COL22A1: variants seen among roughly 807,000 people sequenced by gnomAD.
COL22A1 encodes the protein collagen alpha-1(XXII) chain.
A neutral mutation model predicts 248.9 loss-of-function variants in COL22A1; 221 were observed. The ratio of observed to expected loss-of-function variants is 0.89; its 90% CI spans 0.80 to 0.99. The LOEUF is 0.99. Ranked by LOEUF, COL22A1 falls within the 50% of genes least tolerant of loss-of-function variation. COL22A1 has a pLI of 0.00. For synonymous variants in COL22A1, 891 were observed against 793.4 expected, an observed-to-expected ratio of 1.12 and a Z score of -2.07; for missense variants, 2,240 against 2,179.0, an observed-to-expected ratio of 1.03 and a Z score of -0.56.
At chr8:138,808,417 A>G (rs1222912503) in intron 9 of COL22A1, among the ~76,000 whole-genome samples, 1 of 152,220 alleles carries the variant, frequency 6.6e-6, no homozygotes, top group Admixed American at 6.5e-5. Context: ...TTTTACCTGA[A>G]TATATCATCA....
intron 12 of COL22A1, among the ~76,000 whole-genome samples, chr8:138,784,203 C>T (rs182718005): frequency 3.9e-5 from 6 of 152,218 alleles, no homozygotes; most frequent in Admixed American, 3.3e-4. Flanking sequence ...TTTTGGAAGG[C>T]GGGAGACATG....
intron 35 of COL22A1, 108 bp downstream of exon 35, chr8:138,693,538 C>T (rs1827250765): frequency 8.5e-7 from 1 of 1,179,126 alleles, no homozygotes; most frequent in African/African-American, 1.5e-5. Context: ...CCTTCTGGGC[C>T]ACGTCCTCCT....
chr8:138,637,351 G>A (rs1821281118), intron 47 of COL22A1, among the ~76,000 whole-genome samples: 3 of 152,150 alleles, frequency 2.0e-5, no homozygotes, highest in African/African-American at 7.2e-5. Context: ...CACCAAACGG[G>A]AAGCTTTGGA....
Position 138,694,876 on chromosome 8 carries a change from C to A in COL22A1, c.2596G>T (p.Glu866Ter), listed in dbSNP as rs773547440. ...CCCTTCTCTCCTTTGGGCCCTTGTTCTCCCTGTTGGTGAGAAGCATAGGGT... is the reference window on the plus strand; with the variant it reads ...CCCTTCTCTCCTTTGGGCCCTTGTTATCCCTGTTGGTGAGAAGCATAGGGT... ...LFTPHPRMPG[E>*]QGPKGEKGDP... Residue 866 changes from glutamate (E) to a stop codon, truncating the protein, a stop_gained, in exon 33 of 65, where the codon GAA becomes TAA. Coordinates refer to ENST00000303045, the MANE Select transcript of COL22A1 (RefSeq NM_152888.3). LOFTEE classifies it high-confidence loss of function. 1.9e-6 allele frequency: 3 copies of A among 1,614,048 alleles called. No individual in the cohort carries two copies. The highest frequency in any genetic ancestry group is 2.5e-6 in the Non-Finnish European group (3 of 1,179,958).
chr8:138,640,765 T>C (rs1327847366), intron 47 of COL22A1, among the ~76,000 whole-genome samples: 1 of 152,182 alleles, frequency 6.6e-6, no homozygotes, highest in Non-Finnish European at 1.5e-5. Flanking sequence ...GTTCTCGCAT[T>C]CTCATTATGA....
At position 138,767,114 on chromosome 8, in the gene COL22A1, C is replaced by G. The variant is rs1205770512; in HGVS notation, c.1804-4648G>C. 2.0e-5 allele frequency among the ~76,000 whole-genome samples: 3 copies of G among 152,316 alleles called. No homozygotes were observed. In the East Asian group the frequency reaches 5.8e-4, roughly 29 times the overall value. ...TCACTCGGTTTCTACAAATAAGGAG[C>G]ATAATATTAATACTTACCCAGTAAA... On this transcript the variant is annotated intron_variant, in intron 16 of 64. Transcript: ENST00000303045.
chr8:138,899,231 A>T lies in COL22A1; in HGVS notation c.-73+14388T>A, dbSNP rs980958580. Among the ~76,000 whole-genome samples, 6 of 152,100 alleles carry T rather than the reference A, an allele frequency of 3.9e-5. No individual in the cohort carries two copies. In the South Asian group the frequency reaches 1.2e-3, roughly 32 times the overall value. The stretch of plus-strand genomic sequence containing the variant: ...ATTGTCCAATCACAATGTAAGTCCT[A>T]CAAGTGCCCAAACCATGCCCTGCCA... On this transcript the variant is annotated intron_variant, in intron 1 of 64. Coordinates refer to ENST00000303045, the MANE Select transcript of COL22A1 (RefSeq NM_152888.3).
Position 138,844,043 on chromosome 8 carries a change from T to C in COL22A1, c.733+41A>G, listed in dbSNP as rs4736293. ...GGTCATGCTCAGGCTCAGCAAATCA[T>C]ACACCAAAGCAAGCACACGTGGTTA... On this transcript the variant is annotated intron_variant, in intron 4 of 64. Coordinates refer to ENST00000303045, the MANE Select transcript of COL22A1 (RefSeq NM_152888.3). 72,882 of 1,571,518 alleles carry C rather than the reference T, an allele frequency of 0.046. 2,727 individuals carry two copies. Among genetic ancestry groups the C allele is most frequent in the East Asian group, 0.2 (8,933 of 44,674 alleles).
chr8:138,707,588 G>A (rs141717969), intron 30 of COL22A1, among the ~76,000 whole-genome samples: 2 of 152,026 alleles, frequency 1.3e-5, no homozygotes, highest in South Asian at 4.1e-4. Context: ...ATTCAACAAC[G>A]CTTCATGCTA....
rs200245377 is a variant in COL22A1 at position 138,811,872 on chromosome 8, C to T, written c.1376G>A (p.Arg459Gln). The T allele has an allele frequency of 9.8e-5, 92 of 939,578 alleles. No individual in the cohort carries two copies. The highest frequency in any genetic ancestry group is 9.4e-4 in the African/African-American group (53 of 56,516). 58.2% of individuals were successfully genotyped at this position (939,578 alleles called of 1,614,324 possible). Residue 459 changes from arginine (R) to glutamine (Q), a missense_variant, in exon 9 of 65, where the codon CGG becomes CAG. Coordinates refer to ENST00000303045, the MANE Select transcript of COL22A1 (RefSeq NM_152888.3). Reference sequence around the variant, plus strand: ...CTGTTCACTGCCTGGGGTGGGAGGCCGCTGGGGTGGGGGTGGAGGTGGAGG... The same window carrying T: ...CTGTTCACTGCCTGGGGTGGGAGGCTGCTGGGGTGGGGGTGGAGGTGGAGG... ...TEPPPPPPPQRPPTPGSEQIG... is the reference protein window; with the variant it reads ...TEPPPPPPPQQPPTPGSEQIG...
intron 56 of COL22A1, among the ~76,000 whole-genome samples, chr8:138,613,343 C>T (rs1447689834): frequency 1.3e-5 from 2 of 152,062 alleles, no homozygotes; most frequent in African/African-American, 4.8e-5. Flanking sequence ...AGGGTGGTGC[C>T]CCACAAGCCA....
chr8:138,676,125 G>T (rs939162557), intron 41 of COL22A1, among the ~76,000 whole-genome samples: 1 of 152,010 alleles, frequency 6.6e-6, no homozygotes, highest in Non-Finnish European at 1.5e-5. Context: ...TAGAACTAGC[G>T]GTGGCTCACG....
At chr8:138,775,451 C>T (rs755003275) in intron 16 of COL22A1, among the ~76,000 whole-genome samples, 1 of 152,210 alleles carries the variant, frequency 6.6e-6, no homozygotes, top group African/African-American at 2.4e-5. Flanking sequence ...GGTTGCATGG[C>T]AATCTACATT....
At chr8:138,864,885 T>C (rs991165169) in intron 3 of COL22A1, among the ~76,000 whole-genome samples, 1 of 152,166 alleles carries the variant, frequency 6.6e-6, no homozygotes, top group African/African-American at 2.4e-5. Context: ...GAAAATGTCT[T>C]CAGTAGAAAA....
chr8:138,821,405 T>G lies in COL22A1; in HGVS notation c.976A>C (p.Ile326Leu). Reference protein sequence around the residue: ...IDQYSIPQVSIRLDGENKAVE... With the variant: ...IDQYSIPQVSLRLDGENKAVE... ...GCCTTGTTTTCACCATCCAGCCGGATGGAGACCTGGGGAGGAAAGGACCAG... is the reference window on the plus strand; with the variant it reads ...GCCTTGTTTTCACCATCCAGCCGGAGGGAGACCTGGGGAGGAAAGGACCAG... The change falls in exon 7 of 65, where the codon ATC (isoleucine) becomes CTC (leucine). Residue 326 changes from isoleucine (I) to leucine (L), a missense_variant. Transcript: ENST00000303045. 6.2e-7 allele frequency: 1 copy of G among 1,612,156 alleles called. No individual in the cohort carries two copies. The highest frequency in any genetic ancestry group is 8.5e-7 in the Non-Finnish European group (1 of 1,178,352).
At chr8:138,696,370 C>T (rs1827502438) in intron 32 of COL22A1, among the ~76,000 whole-genome samples, 1 of 152,110 alleles carries the variant, frequency 6.6e-6, no homozygotes, top group Non-Finnish European at 1.5e-5. Flanking sequence ...GTTTGCAAGA[C>T]ACGGCTTTAG....
intron 59 of COL22A1, among the ~76,000 whole-genome samples, chr8:138,603,577 G>A (rs762503989): frequency 1.1e-4 from 16 of 152,166 alleles, no homozygotes; most frequent in African/African-American, 2.7e-4. Flanking sequence ...AAGAGAATTC[G>A]TGTAGGCAGC....
chr8:138,884,920 A>G (rs1824532412), intron 1 of COL22A1, among the ~76,000 whole-genome samples: 1 of 152,216 alleles, frequency 6.6e-6, no homozygotes, highest in African/African-American at 2.4e-5. Context: ...AACCGTGAAG[A>G]AAATAGCAAC....
intron 2 of COL22A1, among the ~76,000 whole-genome samples, chr8:138,880,761 T>C (rs1405580763): frequency 6.6e-6 from 1 of 152,182 alleles, no homozygotes; most frequent in Non-Finnish European, 1.5e-5. Flanking sequence ...ACACAAAAGA[T>C]CATTCTTTTG....
Sources: gnomAD v4.1 joint callset for allele counts (sites outside exome capture counted in the v4.1 genomes callset) on GRCh38, gnomAD v4.1.1 for gene constraint, MANE v1.5 for transcripts, NCBI Gene and HGNC (gene_info 2026-07-23, HGNC 2026-07-21) for gene names.